Variants in MPPED2 observed in about 807,000 individuals in gnomAD.
MPPED2 encodes the protein metallophosphoesterase MPPED2.
In MPPED2, 5 loss-of-function variants were observed where a neutral mutation model predicts 33.0. The ratio of observed to expected loss-of-function variants is 0.15; its 90% CI spans 0.08 to 0.32. The LOEUF (loss-of-function observed/expected upper bound fraction) is 0.32, where lower values mean the gene tolerates loss of function less well. Ranked by LOEUF, MPPED2 falls within the 10% of genes least tolerant of loss-of-function variation. The pLI is 1.00. For synonymous variants in MPPED2, 136 were observed against 141.9 expected, an observed-to-expected ratio of 0.96 and a Z score of 0.29; for missense variants, 275 against 372.1, an observed-to-expected ratio of 0.74 and a Z score of 2.15.
chr11:30,417,416 T>G (rs2133769421), intron 5 of MPPED2, 102 bp downstream of exon 5: 2 of 593,910 alleles, frequency 3.4e-6, no homozygotes, highest in African/African-American at 3.7e-5. Flanking sequence ...ATTCACTTTT[T>G]TTTTTTTTTT....
intron 3 of MPPED2, among the ~76,000 whole-genome samples, chr11:30,508,469 C>T (rs949411424): frequency 2.0e-5 from 3 of 152,128 alleles, no homozygotes; most frequent in Admixed American, 2.0e-4. Flanking sequence ...GAATTGTGTT[C>T]CCCCAAAATG....
At chr11:30,458,852 G>T (rs1950391676) in intron 4 of MPPED2, among the ~76,000 whole-genome samples, 1 of 140,434 alleles carries the variant, frequency 7.1e-6, no homozygotes, top group Non-Finnish European at 1.5e-5. Context: ...ATAAAATTAT[G>T]TTAACTACGG....
intron 4 of MPPED2, among the ~76,000 whole-genome samples, chr11:30,453,209 C>A (rs1182713810): frequency 6.6e-6 from 1 of 152,052 alleles, no homozygotes; most frequent in Non-Finnish European, 1.5e-5. Context: ...GGGTTCAAGC[C>A]TAAAGGGATA....
chr11:30,399,206 C>T (rs1301016708), intron 6 of MPPED2, among the ~76,000 whole-genome samples: 1 of 151,850 alleles, frequency 6.6e-6, no homozygotes, highest in East Asian at 1.9e-4. Flanking sequence ...AATCACCTTG[C>T]ATACTAAATT....
intron 2 of MPPED2, among the ~76,000 whole-genome samples, chr11:30,547,819 T>C (rs1178194466): frequency 9.8e-6 from 1 of 101,788 alleles, no homozygotes; most frequent in African/African-American, 2.8e-5. Flanking sequence ...GACAGGTGTT[T>C]GCATATCTGT....
At chr11:30,476,937 A>G (rs1951231783) in intron 4 of MPPED2, among the ~76,000 whole-genome samples, 1 of 152,028 alleles carries the variant, frequency 6.6e-6, no homozygotes, top group Non-Finnish European at 1.5e-5. Flanking sequence ...GAGATTCTAC[A>G]TATCTTTTGT....
At chr11:30,584,341 T>TACCC (rs1216502783) in intron 1 of MPPED2, 6 of 111,596 alleles carry the variant, frequency 5.4e-5, no homozygotes, top group African/African-American at 1.9e-4. Flanking sequence ...CTTTATGAAC[T>TACCC]ACACACACAC....
chr11:30,410,984 T>C lies in MPPED2; in HGVS notation c.*484A>G. ...TGCCTACTTCTGTTGAGAAGATTGC[T>C]ATAAATTGGGACCACATCTGCAAAA... On this transcript the variant is annotated 3_prime_UTR_variant, in exon 7 of 7. Transcript: ENST00000358117. 1.0e-6 allele frequency: 1 copy of C among 985,854 alleles called. No homozygotes were observed. 61.1% of individuals were successfully genotyped at this position (985,854 alleles called of 1,614,324 possible).
intron 4 of MPPED2, among the ~76,000 whole-genome samples, chr11:30,485,744 C>A (rs574449220): frequency 6.6e-6 from 1 of 152,130 alleles, no homozygotes; most frequent in Non-Finnish European, 1.5e-5. Flanking sequence ...ACAAAGCCTT[C>A]GCCATCAGAG....
chr11:30,560,995 C>T (rs1421453386), intron 2 of MPPED2, among the ~76,000 whole-genome samples: 1 of 152,148 alleles, frequency 6.6e-6, no homozygotes, highest in African/African-American at 2.4e-5. Flanking sequence ...AAAACAAGGT[C>T]AACTGTGTGA....
intron 4 of MPPED2, among the ~76,000 whole-genome samples, chr11:30,450,343 C>G (rs932634725): frequency 6.6e-6 from 1 of 152,186 alleles, no homozygotes; most frequent in African/African-American, 2.4e-5. Flanking sequence ...ACAACTAAAG[C>G]AAAATGAGTA....
intron 4 of MPPED2, among the ~76,000 whole-genome samples, chr11:30,444,071 G>A (rs1489140264): frequency 6.6e-6 from 1 of 152,136 alleles, no homozygotes; most frequent in African/African-American, 2.4e-5. Flanking sequence ...ATTGACTAAA[G>A]CTTATTATAG....
intron 2 of MPPED2, among the ~76,000 whole-genome samples, chr11:30,571,168 T>TA (rs776036183): frequency 2.4e-4 from 37 of 151,302 alleles, no homozygotes; most frequent in Non-Finnish European, 4.6e-4. Context: ...TTTTTTTTTT[T>TA]AAACTAGTTT....
At chr11:30,536,428 T>C (rs1954813466) in intron 2 of MPPED2, among the ~76,000 whole-genome samples, 1 of 152,138 alleles carries the variant, frequency 6.6e-6, no homozygotes, top group East Asian at 1.9e-4. Flanking sequence ...ATCTTACATA[T>C]AGATCTGAAA....
chr11:30,538,908 T>C (rs768225797), intron 2 of MPPED2, among the ~76,000 whole-genome samples: 9 of 152,082 alleles, frequency 5.9e-5, no homozygotes, highest in Admixed American at 1.3e-4. Flanking sequence ...TAGGAATAAG[T>C]ACAAAGCAAG....
chr11:30,447,777 C>G (rs1053026768), intron 4 of MPPED2, among the ~76,000 whole-genome samples: 1 of 152,096 alleles, frequency 6.6e-6, no homozygotes, highest in Non-Finnish European at 1.5e-5. Flanking sequence ...CAGAATGAAT[C>G]TTTACTTCAA....
intron 4 of MPPED2, 27 bp downstream of exon 4, chr11:30,495,268 GT>G (rs1417441076): frequency 5.9e-6 from 9 of 1,513,766 alleles, no homozygotes; most frequent in Non-Finnish European, 8.3e-6. Context: ...AAAAAGCAAT[GT>G]GGAAAACTGT....
intron 1 of MPPED2, among the ~76,000 whole-genome samples, chr11:30,585,814 G>T (rs1348196789): frequency 6.6e-6 from 1 of 152,280 alleles, no homozygotes; most frequent in African/African-American, 2.4e-5. Flanking sequence ...AGCCCTCCCC[G>T]AGCGCCGAAT....
At chr11:30,443,677 T>C (rs1290107122) in intron 4 of MPPED2, among the ~76,000 whole-genome samples, 1 of 152,152 alleles carries the variant, frequency 6.6e-6, no homozygotes, top group African/African-American at 2.4e-5. Flanking sequence ...TGAGAAACAC[T>C]TTGTAGGCAG....
Sources: allele counts gnomAD v4.1 joint callset (sites outside exome capture counted in the v4.1 genomes callset), GRCh38; gene constraint gnomAD v4.1.1; transcripts MANE v1.5; gene names NCBI Gene and HGNC (gene_info 2026-07-23, HGNC 2026-07-21).